The following GUCY2C variants were observed in gnomAD, a reference collection of about 807,000 sequenced individuals.
The protein encoded by GUCY2C is guanylate cyclase 2C.
GUCY2C carries 118 observed loss-of-function variants against 131.1 expected under a neutral mutation model. The ratio of observed to expected loss-of-function variants is 0.90; its 90% confidence interval spans 0.78 to 1.05. The LOEUF (loss-of-function observed/expected upper bound fraction) is 1.05, where lower values mean the gene tolerates loss of function less well. Ranked by LOEUF, GUCY2C falls within the 50% of genes least tolerant of loss-of-function variation. GUCY2C has a pLI of 0.00. For missense variants in GUCY2C, 1,161 were observed against 1,304.4 expected (o/e 0.89, Z 1.69); for synonymous variants, 452 against 457.8 (o/e 0.99, Z 0.16).
At chr12:14,683,699 G>A (rs1192879739) in intron 3 of GUCY2C, among the ~76,000 whole-genome samples, 2 of 152,148 alleles carry the variant, frequency 1.3e-5, no homozygotes, top group Non-Finnish European at 2.9e-5. Flanking sequence ...GTATGTAGAT[G>A]CTTAGTATGT....
At chr12:14,645,200 C>T in intron 16 of GUCY2C, 29 bp downstream of exon 16, 1 of 1,163,174 alleles carries the variant, frequency 8.6e-7, no homozygotes, top group Non-Finnish European at 1.3e-6. Flanking sequence ...ATTTAATTTT[C>T]ATATTTTCTG....
chr12:14,641,878 A>G (rs574399454), intron 17 of GUCY2C, among the ~76,000 whole-genome samples: 44 of 152,088 alleles, frequency 2.9e-4, no homozygotes, highest in Non-Finnish European at 5.3e-4. Context: ...TGGAGGTTGC[A>G]GTGAGACGAG....
At chr12:14,692,716 A>G (rs1280687703) in intron 1 of GUCY2C, among the ~76,000 whole-genome samples, 2 of 152,046 alleles carry the variant, frequency 1.3e-5, no homozygotes, top group Non-Finnish European at 2.9e-5. Flanking sequence ...GGATGTGGTG[A>G]TGCATACCTG....
intron 19 of GUCY2C, among the ~76,000 whole-genome samples, chr12:14,636,360 T>C (rs1469026810): frequency 6.6e-6 from 1 of 152,204 alleles, no homozygotes; most frequent in African/African-American, 2.4e-5. Context: ...AAAAGCCATA[T>C]GATCATCTCA....
In GUCY2C at chr12:14,643,664, G is replaced by A. The variant is rs780407917; in HGVS notation, c.1840C>T (p.Arg614Cys). The part of the protein sequence containing the change: ...LHSSKTEVHG[R>C]LKSTNCVVDS... ...ACTACGCAGTTGGTAGATTTCAGACGACCATGGACTTCTGTCTTACTGGAG... is the reference window on the plus strand; with the variant it reads ...ACTACGCAGTTGGTAGATTTCAGACAACCATGGACTTCTGTCTTACTGGAG... The change falls in exon 17 of 27, where the codon CGT (arginine) becomes TGT (cysteine). Residue 614 changes from arginine to cysteine, a missense_variant. Physicochemically the swap from Arg to Cys is radical, Grantham distance 180 (BLOSUM62 -3). Coordinates refer to ENST00000261170, the MANE Select transcript of GUCY2C (RefSeq NM_004963.4). The A allele has an allele frequency of 1.2e-6, 2 of 1,612,690 alleles. No homozygotes were observed. The highest frequency in any genetic ancestry group is 2.2e-5 in the East Asian group (1 of 44,862).
chr12:14,622,134 T>C lies in GUCY2C; in HGVS notation c.2472A>G (p.Thr824=). 2 of 1,606,386 alleles carry C rather than the reference T, an allele frequency of 1.2e-6. No homozygotes were observed. The highest frequency in any genetic ancestry group is 1.7e-6 in the Non-Finnish European group (2 of 1,176,892). The change falls in exon 22 of 27, where the codon ACA becomes ACG. Residue 824 remains threonine, a synonymous_variant. Transcript: ENST00000261170. ...FVEPELYEEV[T]IYFSDIVGFT... is the part of the protein sequence containing the mutation. Reference sequence around the variant, plus strand: ...AACCTACAATGTCACTGAAGTAGATTGTAACTTCCTCATATAGTTCCGGCT... The same window carrying C: ...AACCTACAATGTCACTGAAGTAGATCGTAACTTCCTCATATAGTTCCGGCT...
In GUCY2C at chr12:14,628,718, T is replaced by A. The variant is rs1431388793; in HGVS notation, c.2177A>T (p.Asn726Ile). Residue 726 changes from asparagine to isoleucine, a missense_variant, in exon 20 of 27, where the codon AAC becomes ATC. Asn to Ile is a moderately radical substitution (Grantham distance 149). Transcript: ENST00000261170. Reference sequence around the variant, plus strand: ...CTTTTCTGGATCTTCCTCCCAACAGTTTTTTACAAGTAGGTACACCTGGAA... The same window carrying A: ...CTTTTCTGGATCTTCCTCCCAACAGATTTTTACAAGTAGGTACACCTGGAA... Reference protein sequence around the residue: ...KELEVYLLVKNCWEEDPEKRP... With the variant: ...KELEVYLLVKICWEEDPEKRP... 2 of 1,591,446 alleles carry A rather than the reference T, an allele frequency of 1.3e-6. No individual in the cohort carries two copies. Among genetic ancestry groups the A allele is most frequent in the Non-Finnish European group, 1.7e-6 (2 of 1,161,622 alleles).
intron 10 of GUCY2C, among the ~76,000 whole-genome samples, chr12:14,661,693 A>C (rs1365979243): frequency 1.3e-5 from 2 of 152,164 alleles, no homozygotes; most frequent in Non-Finnish European, 2.9e-5. Context: ...TCAGTCTCCC[A>C]AAGTGCTGGG....
chr12:14,681,664 TG>T (rs533498798), intron 4 of GUCY2C, among the ~76,000 whole-genome samples, 187 bp from the exon 5 acceptor site: 20 of 152,306 alleles, frequency 1.3e-4, no homozygotes, highest in African/African-American at 4.8e-4. Context: ...CGTGAAAGGA[TG>T]GGGGAACTTT....
At chr12:14,644,833 G>A (rs951538712) in intron 16 of GUCY2C, among the ~76,000 whole-genome samples, 17 of 148,028 alleles carry the variant, frequency 1.1e-4, no homozygotes, top group African/African-American at 4.3e-4. Flanking sequence ...CCTCCATCTC[G>A]TGGGTTCAAG....
intron 19 of GUCY2C, among the ~76,000 whole-genome samples, chr12:14,639,050 G>A (rs965040808): frequency 3.3e-5 from 5 of 152,090 alleles, no homozygotes; most frequent in African/African-American, 7.2e-5. Context: ...TAATCCCAGC[G>A]CTTTGGGAGG....
intron 23 of GUCY2C, 55 bp from the exon 24 acceptor site, chr12:14,619,364 G>A: frequency 9.5e-7 from 1 of 1,053,562 alleles, no homozygotes; most frequent in Non-Finnish European, 1.5e-6. Flanking sequence ...GCAGAGTAGA[G>A]TGAAGACAGG....
intron 23 of GUCY2C, 102 bp downstream of exon 23, chr12:14,620,940 A>T (rs113109713): frequency 3.4e-5 from 30 of 886,746 alleles, no homozygotes; most frequent in African/African-American, 2.9e-4. Flanking sequence ...AGTAAAAATT[A>T]TGTGAGGTCG....
rs79112402 is a variant in GUCY2C, at chr12:14,696,212, T to G, written c.217+20A>C. On this transcript the variant is annotated intron_variant, in intron 1 of 26. Transcript: ENST00000261170. ...GAGGTAGTAACAGAGTGGAGGAAGA[T>G]TCTATTAACATTTTCTTACCAGCAT... 5.9e-3 allele frequency: 9,300 copies of G among 1,576,678 alleles called. 432 individuals are homozygous for G. In the African/African-American group the frequency reaches 0.11, roughly 18 times the overall value.
chr12:14,671,413 C>T (rs1174990163), intron 9 of GUCY2C, among the ~76,000 whole-genome samples: 2 of 152,150 alleles, frequency 1.3e-5, no homozygotes, highest in Non-Finnish European at 2.9e-5. Context: ...GCTGGGAATA[C>T]AGGGGTGAGC....
chr12:14,645,664 GC>G (rs1302385624), intron 15 of GUCY2C, among the ~76,000 whole-genome samples: 2 of 152,060 alleles, frequency 1.3e-5, no homozygotes, highest in African/African-American at 4.8e-5. Flanking sequence ...TTTAAAACAG[GC>G]AATTGCTATA....
rs1946771512 is a variant in GUCY2C, at chr12:14,616,722, T to G, written c.2881A>C (p.Arg961=). The change falls in exon 25 of 27, where the codon AGA becomes CGA. Residue 961 remains arginine (R), a synonymous_variant. Transcript: ENST00000261170. The part of the protein sequence containing the change: ...SRMESTGLPL[R]IHVSGSTIAI... ...ATGGTGGAGCCACTCACGTGAATTC[T>G]CAAAGCTGGAAATGCAAATTGACAA... 1 of 1,593,144 alleles carries G rather than the reference T, an allele frequency of 6.3e-7. No homozygotes were observed. The highest frequency in any genetic ancestry group is 8.6e-7 in the Non-Finnish European group (1 of 1,161,126).
intron 9 of GUCY2C, chr12:14,672,372 GAATAT>G (rs1312970909): frequency 1.3e-5 from 2 of 152,236 alleles, no homozygotes; most frequent in East Asian, 3.8e-4. Context: ...AAAAAAAAGT[GAATAT>G]AATATGAATA....
chr12:14,634,699 G>A (rs1579253), intron 19 of GUCY2C, among the ~76,000 whole-genome samples: 129,312 of 152,204 alleles, frequency 0.85, 58,407 homozygotes, highest in East Asian at 0.99. Context: ...TGACCCAACT[G>A]TAGGCTGCCT....
Sources: gnomAD v4.1 joint callset for allele counts (sites outside exome capture counted in the v4.1 genomes callset) on GRCh38, gnomAD v4.1.1 for gene constraint, MANE v1.5 for transcripts, NCBI Gene and HGNC (gene_info 2026-07-23, HGNC 2026-07-21) for gene names.